The following ARHGAP26 variants were observed in gnomAD, a reference collection of about 807,000 sequenced individuals.
ARHGAP26 encodes rho GTPase-activating protein 26.
In ARHGAP26, 38 loss-of-function variants were observed where a neutral mutation model predicts 104.8. The observed-to-expected ratio is 0.36, with a 90% CI of 0.28 to 0.48. ARHGAP26 has a LOEUF of 0.48. Among genes scored for constraint, ARHGAP26 ranks in the 20% least tolerant of loss-of-function variants. The probability of loss-of-function intolerance (pLI) is 0.99; values close to 1 mark genes in which losing one functional copy is unlikely to be tolerated. For synonymous variants in ARHGAP26, 341 were observed against 340.0 expected, an observed-to-expected ratio of 1.00 and a Z score of -0.03; for missense variants, 704 against 947.9, an observed-to-expected ratio of 0.74 and a Z score of 3.38.
In ARHGAP26 at chr5:142,903,430, G is replaced by A. The variant is rs1484577446; in HGVS notation, c.703-110G>A. On this transcript the variant is annotated intron_variant, in intron 7 of 22. Transcript: ENST00000645722. ...GGAGTATTTGGCCAGTTCCTGGAAGGTTGAATGTCCTTTATCTCATTTTAG... is the reference window on the plus strand; with the variant it reads ...GGAGTATTTGGCCAGTTCCTGGAAGATTGAATGTCCTTTATCTCATTTTAG... The A allele has an allele frequency of 2.4e-6, 3 of 1,259,880 alleles. No individual in the cohort carries two copies. The African/African-American group carries it at 4.5e-5, about 19-fold the overall frequency. The allele number at this position is 1,259,880 out of a possible 1,614,324, so 78.0% of individuals were successfully genotyped here. A position where few individuals can be genotyped will look rare whatever the true frequency, so the allele number is the denominator to read the frequency against.
chr5:142,799,139 A>G (rs577550947), intron 1 of ARHGAP26, among the ~76,000 whole-genome samples: 167 of 152,096 alleles, frequency 1.1e-3, no homozygotes, highest in African/African-American at 3.9e-3. Flanking sequence ...GTAATGCTGC[A>G]GGTATTCACT....
chr5:142,884,626 T>C (rs1452267319), intron 4 of ARHGAP26, among the ~76,000 whole-genome samples: 1 of 152,248 alleles, frequency 6.6e-6, no homozygotes, highest in Admixed American at 6.5e-5. Context: ...TTATGCTTAT[T>C]GGATGTTCCG....
chr5:142,933,733 C>T (rs1196268530), intron 11 of ARHGAP26, among the ~76,000 whole-genome samples: 1 of 152,120 alleles, frequency 6.6e-6, no homozygotes, highest in African/African-American at 2.4e-5. Flanking sequence ...GCTGGGAAAC[C>T]TAGGCTGTAC....
At chr5:142,974,341 T>C (rs182144507) in intron 11 of ARHGAP26, among the ~76,000 whole-genome samples, 2 of 152,194 alleles carry the variant, frequency 1.3e-5, no homozygotes, top group Admixed American at 1.3e-4. Context: ...TGGTTCTCGA[T>C]GGTGTATTAT....
chr5:142,927,319 A>G (rs1467452305), intron 10 of ARHGAP26, among the ~76,000 whole-genome samples: 1 of 139,356 alleles, frequency 7.2e-6, no homozygotes, highest in Non-Finnish European at 1.5e-5. Context: ...GTCACTGCCC[A>G]TATCTCTTTT....
At chr5:142,810,043 T>G (rs1345812092) in intron 1 of ARHGAP26, among the ~76,000 whole-genome samples, 6 of 152,234 alleles carry the variant, frequency 3.9e-5, no homozygotes, top group Non-Finnish European at 5.9e-5. Context: ...ACTAGACCCC[T>G]AGGCTCTGTC....
intron 8 of ARHGAP26, among the ~76,000 whole-genome samples, chr5:142,905,906 C>A (rs1761044507): frequency 6.6e-6 from 1 of 152,160 alleles, no homozygotes; most frequent in Non-Finnish European, 1.5e-5. Context: ...TCAATAATGG[C>A]CTTCTAAAGC....
At chr5:143,092,135 T>C (rs1349227441) in intron 17 of ARHGAP26, among the ~76,000 whole-genome samples, 1 of 151,828 alleles carries the variant, frequency 6.6e-6, no homozygotes, top group Non-Finnish European at 1.5e-5. Flanking sequence ...CTCAACTTTC[T>C]GACTTGTTGC....
At chr5:142,820,459 A>C (rs1765930137) in intron 1 of ARHGAP26, among the ~76,000 whole-genome samples, 1 of 151,448 alleles carries the variant, frequency 6.6e-6, no homozygotes, top group South Asian at 2.1e-4. Context: ...AAAAACAAAC[A>C]AAAAAAACCC....
At chr5:142,822,456 T>C (rs1391441711) in intron 1 of ARHGAP26, among the ~76,000 whole-genome samples, 2 of 152,186 alleles carry the variant, frequency 1.3e-5, no homozygotes, top group Admixed American at 1.3e-4. Context: ...TGTGAGTGTG[T>C]TGGCAAGAGA....
At chr5:143,025,357 C>T (rs1388690319) in intron 12 of ARHGAP26, among the ~76,000 whole-genome samples, 1 of 152,180 alleles carries the variant, frequency 6.6e-6, no homozygotes, top group African/African-American at 2.4e-5. Context: ...TTGTGACCAA[C>T]AAATTGTTCT....
intron 11 of ARHGAP26, among the ~76,000 whole-genome samples, chr5:142,949,405 A>G (rs1767961155): frequency 6.6e-6 from 1 of 152,024 alleles, no homozygotes; most frequent in Admixed American, 6.5e-5. Flanking sequence ...TGCCACCGTC[A>G]TCTCTCTAAC....
chr5:143,102,027 G>GT (rs956387655), intron 17 of ARHGAP26, among the ~76,000 whole-genome samples: 21 of 151,976 alleles, frequency 1.4e-4, no homozygotes, highest in East Asian at 1.4e-3. Context: ...CCTGCAGCAT[G>GT]TTTTTTTTGT....
intron 20 of ARHGAP26, among the ~76,000 whole-genome samples, chr5:143,161,518 A>G (rs960089056): frequency 3.3e-5 from 5 of 152,120 alleles, no homozygotes; most frequent in African/African-American, 1.2e-4. Flanking sequence ...TTTCCTTTGA[A>G]AGCTCCATTT....
At chr5:142,828,332 C>T (rs886870163) in intron 1 of ARHGAP26, among the ~76,000 whole-genome samples, 1 of 152,180 alleles carries the variant, frequency 6.6e-6, no homozygotes, top group African/African-American at 2.4e-5. Context: ...TTTACCCGTG[C>T]AGTTTCCCTT....
chr5:142,932,509 C>T (rs1469796333), intron 11 of ARHGAP26, among the ~76,000 whole-genome samples: 6 of 152,204 alleles, frequency 3.9e-5, no homozygotes, highest in Non-Finnish European at 8.8e-5. Context: ...CGATGCTGGC[C>T]TCAGCTGGGT....
chr5:142,982,426 G>GGGGTGTCTTGTAGTGGGA (rs1774074667), intron 11 of ARHGAP26, among the ~76,000 whole-genome samples: 1 of 152,210 alleles, frequency 6.6e-6, no homozygotes, highest in Admixed American at 6.5e-5. Context: ...GGCAGGACAG[G>GGGGTGTCTTGTAGTGGGA]GGGTGTCTTG....
chr5:143,032,807 G>A (rs1375313588), intron 12 of ARHGAP26, among the ~76,000 whole-genome samples: 1 of 152,184 alleles, frequency 6.6e-6, no homozygotes, highest in African/African-American at 2.4e-5. Flanking sequence ...GTTGATGAGA[G>A]TGGAAATCAA....
At position 143,098,088 on chromosome 5, in the gene ARHGAP26, A is replaced by G. The variant is rs1041031018; in HGVS notation, c.1539-22900A>G. Among the ~76,000 whole-genome samples the G allele has an allele frequency of 3.3e-5, 5 of 152,254 alleles. No homozygotes were observed. In the East Asian group the frequency reaches 7.7e-4, roughly 23 times the overall value. ...CTTCCTTTATAATAGCGCTGCCTCA[A>G]TTTTGTTCTACTTGAGAACCTAATT... is the stretch of plus-strand genomic sequence containing the variant. On this transcript the variant is annotated intron_variant, in intron 17 of 22. Coordinates refer to ENST00000645722, the MANE Select transcript of ARHGAP26 (RefSeq NM_001135608.3).
Sources: gnomAD v4.1 joint callset for allele counts (sites outside exome capture counted in the v4.1 genomes callset) on GRCh38, gnomAD v4.1.1 for gene constraint, MANE v1.5 for transcripts, NCBI Gene and HGNC (gene_info 2026-07-23, HGNC 2026-07-21) for gene names.